The following TLE2 variants were observed in gnomAD, a reference collection of about 807,000 sequenced individuals.
TLE2 encodes TLE family member 2, transcriptional corepressor, also known as transducin-like enhancer protein 2.
In TLE2, 74 loss-of-function variants were observed where a neutral mutation model predicts 97.2. The ratio of observed to expected loss-of-function variants is 0.76; its 90% confidence interval spans 0.63 to 0.92. TLE2 has a LOEUF of 0.92. TLE2 is among the 40% of genes least tolerant of loss of function. The pLI, the probability that TLE2 is intolerant of heterozygous loss-of-function variation, is 0.00. For missense variants in TLE2, 1,038 were observed against 1,008.7 expected (o/e 1.03, Z -0.39); for synonymous variants, 499 against 432.1 (o/e 1.15, Z -1.92).
At position 3,027,869 on chromosome 19, in the gene TLE2, T is replaced by C. The variant is rs772876429; in HGVS notation, c.191A>G (p.Tyr64Cys). ...AATGTTGAGCCCGTACGACATCTCA[T>C]AATACTGCAAAGGAAAAACCAAGTA... ...TEMQRHYVMY[Y>C]EMSYGLNIEM... is the part of the protein sequence containing the mutation. The change falls in exon 4 of 20, where the codon TAT (tyrosine) becomes TGT (cysteine). Residue 64 changes from tyrosine (Y) to cysteine (C), a missense_variant. Coordinates refer to ENST00000262953, the MANE Select transcript of TLE2 (RefSeq NM_003260.5). The C allele has an allele frequency of 6.2e-7, 1 of 1,610,766 alleles. No homozygotes were observed. The highest frequency in any genetic ancestry group is 1.7e-5 in the Admixed American group (1 of 59,598).
In TLE2 at chr19:2,997,921, A is replaced by G; in HGVS notation, c.2159T>C (p.Ile720Thr). 1 of 1,613,170 alleles carries G rather than the reference A, an allele frequency of 6.2e-7. No homozygotes were observed. Among genetic ancestry groups the G allele is most frequent in the Non-Finnish European group, 8.5e-7 (1 of 1,179,610 alleles). The change falls in exon 20 of 20, where the codon ATC (isoleucine) becomes ACC (threonine). Residue 720 changes from isoleucine (I) to threonine (T), a missense_variant. Transcript: ENST00000262953. ...KESSSVLSCDISRNNKYIVTG... is the reference protein window; with the variant it reads ...KESSSVLSCDTSRNNKYIVTG... Reference sequence around the variant, plus strand: ...CACGATGTATTTGTTATTTCTGGAGATGTCACAACTCAGGACTGAGGACGA... The same window carrying G: ...CACGATGTATTTGTTATTTCTGGAGGTGTCACAACTCAGGACTGAGGACGA...
At chr19:3,026,213 G>A (rs113546989) in intron 4 of TLE2, among the ~76,000 whole-genome samples, 53 of 152,140 alleles carry the variant, frequency 3.5e-4, no homozygotes, top group African/African-American at 1.2e-3. Flanking sequence ...TTGGGAGGCC[G>A]AGGCAGGTGG....
intron 18 of TLE2, among the ~76,000 whole-genome samples, chr19:3,001,919 TC>T (rs1164370027): frequency 6.9e-6 from 1 of 145,498 alleles, no homozygotes; most frequent in Non-Finnish European, 1.5e-5. Context: ...TGCCTCAACC[TC>T]CCAAGTAGCT....
chr19:3,002,243 C>T, intron 18 of TLE2, 110 bp downstream of exon 18: 2 of 1,328,894 alleles, frequency 1.5e-6, no homozygotes, highest in Admixed American at 3.0e-5. Flanking sequence ...GTATATAAAA[C>T]TTAGTATATA....
chr19:3,016,056 C>G (rs910035272), intron 8 of TLE2: 1 of 492,584 alleles, frequency 2.0e-6, no homozygotes, highest in Non-Finnish European at 3.9e-6. Flanking sequence ...CCTGCCTCAG[C>G]CTCCCCAGTA....
At chr19:3,005,384 G>A in intron 17 of TLE2, 53 bp downstream of exon 17, 2 of 1,594,890 alleles carry the variant, frequency 1.3e-6, no homozygotes, top group Non-Finnish European at 1.7e-6. Context: ...GGAGAGGAAG[G>A]GATGCTGTAT....
At position 3,013,537 on chromosome 19, in the gene TLE2, C is replaced by A. The variant is rs548835763; in HGVS notation, c.873+132G>T. On this transcript the variant is annotated intron_variant, in intron 11 of 19. Transcript: ENST00000262953. ...AGCAGGAGGTTTAAAAAAAAAAGCA[C>A]AGGGAAAGGGTGGACAATGCCAGCC... The A allele has an allele frequency of 4.1e-5, 37 of 898,398 alleles. No individual in the cohort carries two copies. In the Admixed American group the frequency reaches 5.6e-4, roughly 14 times the overall value. The allele number at this position is 898,398 out of a possible 1,614,324, so 55.7% of individuals were successfully genotyped here.
At chr19:3,033,475 T>C (rs1422800031), upstream of TLE2, among the ~76,000 whole-genome samples, 2 of 152,154 alleles carry the variant, frequency 1.3e-5, no homozygotes, top group Admixed American at 1.3e-4. Flanking sequence ...CTAATTTTTG[T>C]ATTTTTAGTA....
intron 5 of TLE2, 44 bp downstream of exon 5, chr19:3,024,976 T>C (rs1599240084): frequency 6.6e-7 from 1 of 1,525,862 alleles, no homozygotes. Context: ...CCCGTCTTCT[T>C]CCGGCTCCCT....
At chr19:3,027,080 T>G (rs1483103183) in intron 4 of TLE2, among the ~76,000 whole-genome samples, 1 of 152,190 alleles carries the variant, frequency 6.6e-6, no homozygotes, top group Non-Finnish European at 1.5e-5. Context: ...GTGAGGTCTA[T>G]CTCAGAACAC....
Position 3,028,815 on chromosome 19 carries a change from G to A in TLE2, c.25-12C>T, listed in dbSNP as rs374432734. The A allele has an allele frequency of 4.9e-5, 79 of 1,611,770 alleles. No homozygotes were observed. The highest frequency in any genetic ancestry group is 6.6e-5 in the Non-Finnish European group (78 of 1,179,448). ...GACTGGAGCGGGGTCTGGGGGGGGTGTGGGGGAAACGTCAGGGTCTGAGTT... is the reference window on the plus strand; with the variant it reads ...GACTGGAGCGGGGTCTGGGGGGGGTATGGGGGAAACGTCAGGGTCTGAGTT... On this transcript the variant is annotated splice_polypyrimidine_tract_variant and intron_variant, in intron 1 of 19. Coordinates refer to ENST00000262953, the MANE Select transcript of TLE2 (RefSeq NM_003260.5).
chr19:3,025,603 G>A (rs1490197539), intron 4 of TLE2: 2 of 984,978 alleles, frequency 2.0e-6, no homozygotes, highest in Non-Finnish European at 2.4e-6. Flanking sequence ...ACACTCAAGG[G>A]AAGGATTTCA....
chr19:3,029,078 C>T lies in TLE2; in HGVS notation c.-174G>A. 7.8e-7 allele frequency: 1 copy of T among 1,283,066 alleles called. No individual in the cohort carries two copies. The highest frequency in any genetic ancestry group is 9.9e-7 in the Non-Finnish European group (1 of 1,013,254). The allele number at this position is 1,283,066 out of a possible 1,614,324, so 79.5% of individuals were successfully genotyped here. A position where few individuals can be genotyped will look rare whatever the true frequency, so the allele number is the denominator to read the frequency against. On this transcript the variant is annotated 5_prime_UTR_variant, in exon 1 of 20. Transcript: ENST00000262953. The stretch of plus-strand genomic sequence containing the variant: ...TCCCTGGCGCGCCCCCAAGCGCGCG[C>T]GCCCGGGGTCGTGGGAGCCCCTCCC...
chr19:3,028,776 T>C lies in TLE2; in HGVS notation c.52A>G (p.Lys18Glu). 1 of 1,612,562 alleles carries C rather than the reference T, an allele frequency of 6.2e-7. No homozygotes were observed. The highest frequency in any genetic ancestry group is 1.1e-5 in the South Asian group (1 of 91,072). The change falls in exon 2 of 20, where the codon AAG (lysine) becomes GAG (glutamate). Residue 18 changes from lysine to glutamate, a missense_variant. Coordinates refer to ENST00000262953, the MANE Select transcript of TLE2 (RefSeq NM_003260.5). ...PTPLQSGQPF[K>E]FSILEICDRI... Reference sequence around the variant, plus strand: ...TCGCAGATCTCCAAGATCGAGAACTTGAAGGGCTGGCCGGACTGGAGCGGG... The same window carrying C: ...TCGCAGATCTCCAAGATCGAGAACTCGAAGGGCTGGCCGGACTGGAGCGGG...
chr19:3,011,489 G>A (rs1260371319), intron 11 of TLE2, among the ~76,000 whole-genome samples: 2 of 146,502 alleles, frequency 1.4e-5, no homozygotes, highest in Admixed American at 6.9e-5. Context: ...CCGAGATCAC[G>A]CCACTGCACT....
intron 9 of TLE2, among the ~76,000 whole-genome samples, chr19:3,014,972 TAATA>T (rs570509897): frequency 2.5e-3 from 348 of 138,008 alleles, no homozygotes; most frequent in South Asian, 0.016. Flanking sequence ...GACTCCGCCT[TAATA>T]AATAAATAAA....
At chr19:3,021,116 G>T (rs933312241) in intron 5 of TLE2, among the ~76,000 whole-genome samples, 1 of 64,440 alleles carries the variant, frequency 1.6e-5, no homozygotes, top group Non-Finnish European at 3.2e-5. Context: ...AAAAAAAAAG[G>T]GGGGGGGGTG....
Position 3,006,733 on chromosome 19 carries a change from G to A in TLE2, c.1251-64C>T, listed in dbSNP as rs560654837. On this transcript the variant is annotated intron_variant, in intron 14 of 19. Coordinates refer to ENST00000262953, the MANE Select transcript of TLE2 (RefSeq NM_003260.5). ...CACGCCCCCGCACCCGCACCTGGGA[G>A]GGCAGGGAGACGCCTTTGTCCTGCC... 960 of 1,519,948 alleles carry A rather than the reference G, an allele frequency of 6.3e-4. 2 individuals are homozygous for A. Among genetic ancestry groups the A allele is most frequent in the Non-Finnish European group, 8.1e-4 (919 of 1,133,068 alleles). 94.2% of individuals were successfully genotyped at this position (1,519,948 alleles called of 1,614,324 possible).
chr19:3,022,927 C>G (rs1200661852), intron 5 of TLE2, among the ~76,000 whole-genome samples: 1 of 152,022 alleles, frequency 6.6e-6, no homozygotes, highest in Non-Finnish European at 1.5e-5. Flanking sequence ...CATGAGTGGG[C>G]GTGGCTATGT....
Sources: gnomAD v4.1 joint callset for allele counts (sites outside exome capture counted in the v4.1 genomes callset) on GRCh38, gnomAD v4.1.1 for gene constraint, MANE v1.5 for transcripts, NCBI Gene and HGNC (gene_info 2026-07-23, HGNC 2026-07-21) for gene names.